Variants in SIRPB2 observed in about 807,000 individuals in gnomAD.
SIRPB2 encodes the protein signal regulatory protein beta 2.
SIRPB2 carries 18 observed loss-of-function variants against 27.1 expected under a neutral mutation model. The ratio of observed to expected loss-of-function variants is 0.66; its 90% confidence interval spans 0.46 to 0.98. SIRPB2 has a LOEUF of 0.98. SIRPB2 is among the 50% of genes least tolerant of loss of function. The pLI, the probability that SIRPB2 is intolerant of heterozygous loss-of-function variation, is 0.00. For missense variants in SIRPB2, 420 were observed against 417.4 expected, an observed-to-expected ratio of 1.01 and a Z score of -0.06; for synonymous variants, 150 against 164.6, an observed-to-expected ratio of 0.91 and a Z score of 0.68.
intron 1 of SIRPB2, 38 bp from the exon 2 acceptor site, chr20:1,480,103 A>G (rs200483000): frequency 1.0e-5 from 16 of 1,550,498 alleles, no homozygotes; most frequent in Non-Finnish European, 1.4e-5. Context: ...CTGGGCAGGA[A>G]GGACTTGGAG....
At chr20:1,482,972 T>G (rs77246611) in intron 1 of SIRPB2, among the ~76,000 whole-genome samples, 16,342 of 152,170 alleles carry the variant, frequency 0.11, 983 homozygotes, top group Admixed American at 0.18. Flanking sequence ...AAATACCTGT[T>G]CTAGGATTGC....
intron 4 of SIRPB2, 166 bp downstream of exon 4, chr20:1,477,172 T>C: frequency 6.3e-7 from 1 of 1,590,564 alleles, no homozygotes. Flanking sequence ...TGTTATAACA[T>C]GGTTCTCTGG....
intron 1 of SIRPB2, among the ~76,000 whole-genome samples, chr20:1,489,736 C>T (rs1410499750): frequency 6.6e-6 from 1 of 152,130 alleles, no homozygotes; most frequent in Non-Finnish European, 1.5e-5. Flanking sequence ...AATGTGTTAG[C>T]CCCAGTCTCC....
chr20:1,484,856 A>G (rs2090710237), intron 1 of SIRPB2, among the ~76,000 whole-genome samples: 1 of 152,222 alleles, frequency 6.6e-6, no homozygotes, highest in Non-Finnish European at 1.5e-5. Context: ...GAAATGCCAT[A>G]TCACCCAGCA....
intron 1 of SIRPB2, 90 bp from the exon 2 acceptor site, chr20:1,480,155 C>A: frequency 1.4e-6 from 2 of 1,462,370 alleles, no homozygotes; most frequent in Non-Finnish European, 1.8e-6. Context: ...ATTATCTGGC[C>A]AAGAACAATG....
intron 3 of SIRPB2, 96 bp from the exon 4 acceptor site, chr20:1,477,499 A>G (rs2090618234): frequency 1.3e-6 from 2 of 1,527,852 alleles, no homozygotes; most frequent in Non-Finnish European, 1.8e-6. Context: ...TGAGTCTGCC[A>G]GTTTCTATGT....
At chr20:1,472,439 T>C (rs976098561), downstream of SIRPB2, among the ~76,000 whole-genome samples, 2 of 152,100 alleles carry the variant, frequency 1.3e-5, no homozygotes, top group African/African-American at 4.8e-5. Flanking sequence ...CTGTGGTGAG[T>C]AGGGTCATCT....
chr20:1,475,451 C>T lies in SIRPB2; in HGVS notation c.*716G>A, dbSNP rs2090598219. The stretch of plus-strand genomic sequence containing the variant: ...AGAGATAAGTGAGGTGGCCAAGTTC[C>T]TGACTGTGCACTTAAAGGGGAGGGT... On this transcript the variant is annotated 3_prime_UTR_variant, in exon 5 of 5. Transcript: ENST00000359801. The T allele has an allele frequency of 6.6e-6, 1 of 152,238 alleles. No individual in the cohort carries two copies. The highest frequency in any genetic ancestry group is 2.4e-5 in the African/African-American group (1 of 41,432). 9.4% of individuals were successfully genotyped at this position (152,238 alleles called of 1,614,324 possible). A position where few individuals can be genotyped will look rare whatever the true frequency, so the allele number is the denominator to read the frequency against.
chr20:1,483,038 C>G (rs2090688659), intron 1 of SIRPB2, among the ~76,000 whole-genome samples: 1 of 151,978 alleles, frequency 6.6e-6, no homozygotes, highest in Non-Finnish European at 1.5e-5. Context: ...TACTGTTTTC[C>G]ATAGTGGCTG....
chr20:1,481,851 T>C (rs1429969216), intron 1 of SIRPB2, among the ~76,000 whole-genome samples: 1 of 152,210 alleles, frequency 6.6e-6, no homozygotes, highest in Non-Finnish European at 1.5e-5. Context: ...TGATCCTTCC[T>C]GTTTTTTTCC....
rs1018265885 is a variant in SIRPB2 at position 1,475,465 on chromosome 20, A to C, written c.*702T>G. ...TGGCCAAGTTCCTGACTGTGCACTT[A>C]AAGGGGAGGGTCCTGCTCCCCTTTC... is the stretch of plus-strand genomic sequence containing the variant. On this transcript the variant is annotated 3_prime_UTR_variant, in exon 5 of 5. Coordinates refer to ENST00000359801, the MANE Select transcript of SIRPB2 (RefSeq NM_001122962.2). The C allele has an allele frequency of 6.6e-6, 1 of 152,310 alleles. No individual in the cohort carries two copies. The highest frequency in any genetic ancestry group is 2.4e-5 in the African/African-American group (1 of 41,546). The allele number at this position is 152,310 out of a possible 1,614,324, so 9.4% of individuals were successfully genotyped here. A position where few individuals can be genotyped will look rare whatever the true frequency, so the allele number is the denominator to read the frequency against.
downstream of SIRPB2, chr20:1,471,250 G>T (rs534830012): frequency 1.3e-5 from 2 of 152,340 alleles, no homozygotes; most frequent in East Asian, 3.9e-4. Context: ...CAATCTAGTG[G>T]AGTTGAAGAA....
At position 1,478,400 on chromosome 20, in the gene SIRPB2, G is replaced by T; in HGVS notation, c.659C>A (p.Ala220Asp). 6.2e-7 allele frequency: 1 copy of T among 1,614,174 alleles called. No individual in the cohort carries two copies. Among genetic ancestry groups the T allele is most frequent in the Admixed American group, 1.7e-5 (1 of 60,026 alleles). ...ISHPKETAVQ[A>D]SNNDFSILLQ... The stretch of plus-strand genomic sequence containing the variant: ...AAGAATGCTGAAGTCATTGTTGGAG[G>T]CCTGCACCGCTGTCTCCTTGGGGTG... The change falls in exon 3 of 5, where the codon GCC (alanine) becomes GAC (aspartate). Residue 220 changes from alanine to aspartate, a missense_variant. Physicochemically the swap from Ala to Asp is moderately radical, Grantham distance 126. Coordinates refer to ENST00000359801, the MANE Select transcript of SIRPB2 (RefSeq NM_001122962.2).
intron 1 of SIRPB2, among the ~76,000 whole-genome samples, chr20:1,482,073 A>T (rs1007165262): frequency 1.5e-4 from 23 of 150,024 alleles, no homozygotes; most frequent in South Asian, 6.2e-4. Context: ...AACTGATTTT[A>T]AAAAAAAATA....
chr20:1,478,238 C>G (rs750621585), intron 3 of SIRPB2, 28 bp downstream of exon 3: 1 of 1,600,250 alleles, frequency 6.2e-7, no homozygotes, highest in Admixed American at 1.7e-5. Flanking sequence ...CTCCGCTCTC[C>G]CGACAAGTCC....
chr20:1,479,543 C>T, intron 2 of SIRPB2, 157 bp downstream of exon 2: 2 of 1,196,064 alleles, frequency 1.7e-6, no homozygotes, highest in South Asian at 1.5e-5. Context: ...AGGAGTGGAA[C>T]CACCCAGCCA....
chr20:1,476,224 C>T lies in SIRPB2; in HGVS notation c.972G>A (p.Lys324=). ...TCATGGCTCCTGCTGGGCCTGTGGT[C>T]TTGACATCTTCTTGCCCAGGGCTCC... ...SRRSPGQEDV[K]TTGPAGAMNT... The change falls in exon 5 of 5, where the codon AAG becomes AAA. Residue 324 remains lysine, a synonymous_variant. Coordinates refer to ENST00000359801, the MANE Select transcript of SIRPB2 (RefSeq NM_001122962.2). The T allele has an allele frequency of 1.2e-6, 2 of 1,614,088 alleles. No individual in the cohort carries two copies. Among genetic ancestry groups the T allele is most frequent in the Non-Finnish European group, 1.7e-6 (2 of 1,180,004 alleles).
Position 1,477,292 on chromosome 20 carries a change from T to C in SIRPB2, c.859+46A>G, listed in dbSNP as rs557541801. The C allele has an allele frequency of 3.3e-5, 53 of 1,614,174 alleles. No individual in the cohort carries two copies. In the South Asian group the frequency reaches 5.5e-4, roughly 17 times the overall value. ...CATGACCAAGCCATTCATGGCCCCC[T>C]TGCCTGTGGGGGACTCATTGACTCC... On this transcript the variant is annotated intron_variant, in intron 4 of 4. Coordinates refer to ENST00000359801, the MANE Select transcript of SIRPB2 (RefSeq NM_001122962.2).
At chr20:1,479,464 C>T in intron 2 of SIRPB2, 1 of 598,534 alleles carries the variant, frequency 1.7e-6, no homozygotes, top group Non-Finnish European at 2.9e-6. Context: ...TCTGCTTCTG[C>T]CATCTTTATG....
Sources: gnomAD v4.1 joint callset for allele counts (sites outside exome capture counted in the v4.1 genomes callset) on GRCh38, gnomAD v4.1.1 for gene constraint, MANE v1.5 for transcripts, NCBI Gene and HGNC (gene_info 2026-07-23, HGNC 2026-07-21) for gene names.